TRIM8: variants seen among roughly 807,000 people sequenced by gnomAD.
TRIM8 encodes E3 ubiquitin-protein ligase TRIM8.
A neutral mutation model predicts 55.7 loss-of-function variants in TRIM8; 9 were observed. The observed-to-expected ratio is 0.16, with a 90% confidence interval of 0.10 to 0.28. TRIM8 has a LOEUF of 0.28. Ranked by LOEUF, TRIM8 falls within the 10% of genes least tolerant of loss-of-function variation. The pLI is 1.00. For synonymous variants in TRIM8, 335 were observed against 333.3 expected, an observed-to-expected ratio of 1.01 and a Z score of -0.06; for missense variants, 556 against 736.4, an observed-to-expected ratio of 0.76 and a Z score of 2.83.
intron 1 of TRIM8, among the ~76,000 whole-genome samples, chr10:102,646,933 C>CT (rs2063941079): frequency 6.6e-6 from 1 of 152,200 alleles, no homozygotes; most frequent in Non-Finnish European, 1.5e-5. Context: ...TGTAGCTGGT[C>CT]TGAGTTCTAG....
chr10:102,645,339 A>G, intron 1 of TRIM8, 152 bp downstream of exon 1: 1 of 894,956 alleles, frequency 1.1e-6, no homozygotes. Context: ...AAGTTTGGGG[A>G]CAGGGTCCTG....
rs879399903 is a variant in TRIM8 at position 102,657,960 on chromosome 10, A to G, written c.*606A>G. On this transcript the variant is annotated 3_prime_UTR_variant, in exon 6 of 6. Coordinates refer to ENST00000643721, the MANE Select transcript of TRIM8 (RefSeq NM_030912.3). The stretch of plus-strand genomic sequence containing the variant: ...GGCCACTTCTCAAGCAGCTTTTGGC[A>G]CCTTCAGCCTCAGAGTGGAATCTTT... 3 of 152,484 alleles carry G rather than the reference A, an allele frequency of 2.0e-5. No individual in the cohort carries two copies. Among genetic ancestry groups the G allele is most frequent in the Admixed American group, 6.5e-5 (1 of 15,268 alleles). 9.4% of individuals were successfully genotyped at this position (152,484 alleles called of 1,614,324 possible). A position where few individuals can be genotyped will look rare whatever the true frequency, so the allele number is the denominator to read the frequency against.
intron 1 of TRIM8, chr10:102,645,646 A>G (rs1392944025): frequency 6.4e-6 from 1 of 155,170 alleles, no homozygotes; most frequent in East Asian, 1.9e-4. Context: ...GGAAGTAAAC[A>G]AAAGCAGCCA....
intron 1 of TRIM8, among the ~76,000 whole-genome samples, chr10:102,651,366 G>A (rs1342949016): frequency 6.6e-6 from 1 of 152,194 alleles, no homozygotes; most frequent in Non-Finnish European, 1.5e-5. Context: ...GGACAGGAAG[G>A]CCCTCCCTCT....
intron 1 of TRIM8, among the ~76,000 whole-genome samples, chr10:102,653,019 G>A (rs12354563): frequency 3.3e-5 from 5 of 152,194 alleles, no homozygotes; most frequent in Admixed American, 6.5e-5. Flanking sequence ...GGCTGGTCTC[G>A]AACTCCCGAC....
intron 1 of TRIM8, among the ~76,000 whole-genome samples, chr10:102,651,834 T>A (rs1375209020): frequency 6.6e-6 from 1 of 152,240 alleles, no homozygotes; most frequent in Non-Finnish European, 1.5e-5. Context: ...CTTGCCATTG[T>A]CTGGGGCCTC....
intron 1 of TRIM8, among the ~76,000 whole-genome samples, chr10:102,650,894 G>A (rs1038987050): frequency 2.0e-5 from 3 of 152,162 alleles, no homozygotes; most frequent in Non-Finnish European, 4.4e-5. Flanking sequence ...AACCTGATTT[G>A]CTCATTCGGT....
Position 102,656,491 on chromosome 10 carries a change from T to G in TRIM8, c.1048+106T>G. The G allele has an allele frequency of 1.3e-6, 2 of 1,484,236 alleles. No individual in the cohort carries two copies. The highest frequency in any genetic ancestry group is 1.8e-6 in the Non-Finnish European group (2 of 1,107,590). The allele number at this position is 1,484,236 out of a possible 1,614,324, so 91.9% of individuals were successfully genotyped here. A position where few individuals can be genotyped will look rare whatever the true frequency, so the allele number is the denominator to read the frequency against. On this transcript the variant is annotated intron_variant, in intron 5 of 5. Coordinates refer to ENST00000643721, the MANE Select transcript of TRIM8 (RefSeq NM_030912.3). The surrounding 1 kb of genome is among the most constrained non-coding windows in gnomAD (Gnocchi z 4.6). Reference sequence around the variant, plus strand: ...AGTGTGGCCCAGTCTGGGAGACCTGTCCTCATATCCAGGCTTTGCCACTTG... The same window carrying G: ...AGTGTGGCCCAGTCTGGGAGACCTGGCCTCATATCCAGGCTTTGCCACTTG...
chr10:102,647,908 C>G (rs1034384278), intron 1 of TRIM8, among the ~76,000 whole-genome samples: 2 of 152,220 alleles, frequency 1.3e-5, no homozygotes, highest in African/African-American at 4.8e-5. Context: ...GGGCCATAGC[C>G]TAGAGCAGGG....
At chr10:102,650,501 G>C (rs1209902334) in intron 1 of TRIM8, among the ~76,000 whole-genome samples, 7 of 152,124 alleles carry the variant, frequency 4.6e-5, no homozygotes, top group African/African-American at 1.4e-4. Context: ...GGTCCTCCCT[G>C]GGCCCCACCT....
Position 102,648,396 on chromosome 10 carries a change from C to T in TRIM8, c.570+3209C>T, listed in dbSNP as rs1396049003. Among the ~76,000 whole-genome samples the T allele has an allele frequency of 4.6e-5, 7 of 152,156 alleles. No homozygotes were observed. The East Asian group carries it at 9.7e-4, about 21-fold the overall frequency. On this transcript the variant is annotated intron_variant, in intron 1 of 5. Transcript: ENST00000643721. The stretch of plus-strand genomic sequence containing the variant: ...TATCTGCTTGAGTCTTGTGCAGTTA[C>T]GGTTGTGTTTCTGCATCGTCCCTGG...
rs1207485580 is a variant in TRIM8, at chr10:102,656,153, T to C, written c.932+16T>C. The C allele has an allele frequency of 3.1e-6, 5 of 1,613,824 alleles. No individual in the cohort carries two copies. The highest frequency in any genetic ancestry group is 3.3e-4 in the Middle Eastern group (2 of 6,084). On this transcript the variant is annotated intron_variant, in intron 4 of 5. Coordinates refer to ENST00000643721, the MANE Select transcript of TRIM8 (RefSeq NM_030912.3). This position sits in a 1 kb window ranked among gnomAD's most constrained non-coding sequence, Gnocchi z 4.6. ...TGATGGACAGGTAAGCTGAGGGCCC[T>C]AGCCCTCCCGGGGGCACATCCTGGG...
Position 102,645,260 on chromosome 10 carries a change from G to C in TRIM8, c.570+73G>C, listed in dbSNP as rs1038857939. The C allele has an allele frequency of 5.7e-6, 8 of 1,403,736 alleles. No individual in the cohort carries two copies. In the African/African-American group the frequency reaches 1.2e-4, roughly 21 times the overall value. The allele number at this position is 1,403,736 out of a possible 1,614,324, so 87.0% of individuals were successfully genotyped here. A position where few individuals can be genotyped will look rare whatever the true frequency, so the allele number is the denominator to read the frequency against. On this transcript the variant is annotated intron_variant, in intron 1 of 5. Transcript: ENST00000643721. Reference sequence around the variant, plus strand: ...AGTCCCTTCCTCTCTCCCGCCCCGGGACCACCCATCCCGACAGGCTGACTC... The same window carrying C: ...AGTCCCTTCCTCTCTCCCGCCCCGGCACCACCCATCCCGACAGGCTGACTC...
At position 102,656,694 on chromosome 10, in the gene TRIM8, C is replaced by T; in HGVS notation, c.1049-53C>T. Reference sequence around the variant, plus strand: ...CCAGGTCCAACCCAGGGAGAGGAGGCCTGGGTTGCTTGGGGTGGGAGCTTT... The same window carrying T: ...CCAGGTCCAACCCAGGGAGAGGAGGTCTGGGTTGCTTGGGGTGGGAGCTTT... On this transcript the variant is annotated intron_variant, in intron 5 of 5. Coordinates refer to ENST00000643721, the MANE Select transcript of TRIM8 (RefSeq NM_030912.3). This position sits in a 1 kb window ranked among gnomAD's most constrained non-coding sequence, Gnocchi z 4.6. The T allele has an allele frequency of 6.6e-7, 1 of 1,507,360 alleles. No individual in the cohort carries two copies. The highest frequency in any genetic ancestry group is 8.8e-7 in the Non-Finnish European group (1 of 1,130,202). 93.4% of individuals were successfully genotyped at this position (1,507,360 alleles called of 1,614,324 possible).
At chr10:102,645,387 G>C in intron 1 of TRIM8, 200 bp downstream of exon 1, 1 of 542,200 alleles carries the variant, frequency 1.8e-6, no homozygotes, top group South Asian at 2.7e-5. Context: ...GTACATTCTC[G>C]CACCTGTGCG....
At chr10:102,654,994 C>G in intron 2 of TRIM8, 86 bp from the exon 3 acceptor site, 7 of 1,477,134 alleles carry the variant, frequency 4.7e-6, no homozygotes, top group Non-Finnish European at 6.5e-6. Flanking sequence ...ACTTAGGGTT[C>G]TAGGATGTGA....
chr10:102,656,627 C>T lies in TRIM8; in HGVS notation c.1049-120C>T. On this transcript the variant is annotated intron_variant, in intron 5 of 5. Coordinates refer to ENST00000643721, the MANE Select transcript of TRIM8 (RefSeq NM_030912.3). This position sits in a 1 kb window ranked among gnomAD's most constrained non-coding sequence, Gnocchi z 4.6. ...CCTAATGGTAGAGGAGCAAGCATCA[C>T]CTGAGATGTAACATTCTTGGGCCTC... The T allele has an allele frequency of 6.9e-7, 1 of 1,441,404 alleles. No homozygotes were observed. The highest frequency in any genetic ancestry group is 9.3e-7 in the Non-Finnish European group (1 of 1,072,012). The allele number at this position is 1,441,404 out of a possible 1,614,324, so 89.3% of individuals were successfully genotyped here. A position where few individuals can be genotyped will look rare whatever the true frequency, so the allele number is the denominator to read the frequency against.
In TRIM8 at chr10:102,644,797, C is replaced by T. The variant is rs1202786083; in HGVS notation, c.180C>T (p.Asn60=). ...VRCPECNQAY[N]QKPGLEKNLK... ...GCCCAGAGTGCAACCAGGCCTACAA[C>T]CAGAAGCCGGGCCTGGAGAAGAACC... The change falls in exon 1 of 6, where the codon AAC becomes AAT. Residue 60 remains asparagine (N), a synonymous_variant. Transcript: ENST00000643721. 2 of 1,613,200 alleles carry T rather than the reference C, an allele frequency of 1.2e-6. No homozygotes were observed. The highest frequency in any genetic ancestry group is 2.7e-5 in the African/African-American group (2 of 74,938).
chr10:102,649,247 A>C (rs1322529407), intron 1 of TRIM8: 1 of 152,222 alleles, frequency 6.6e-6, no homozygotes, highest in Non-Finnish European at 1.5e-5. Flanking sequence ...AGTTGGCAGC[A>C]CTACTGTGCT....
Sources: gnomAD v4.1 joint callset for allele counts (sites outside exome capture counted in the v4.1 genomes callset) on GRCh38, gnomAD v4.1.1 for gene constraint, Gnocchi (gnomAD v3.1) non-coding constraint, MANE v1.5 for transcripts, NCBI Gene and HGNC (gene_info 2026-07-23, HGNC 2026-07-21) for gene names.